C19orf44: variants seen among roughly 807,000 people sequenced by gnomAD.
C19orf44 encodes the protein chromosome 19 open reading frame 44.
In C19orf44, 43 loss-of-function variants were observed where a neutral mutation model predicts 50.7. That is an observed-to-expected ratio of 0.85 (90% CI 0.66 to 1.09). The LOEUF is 1.09. Ranked by LOEUF, C19orf44 falls within the 50% of genes least tolerant of loss-of-function variation. The pLI is 0.00. For synonymous variants in C19orf44, 298 were observed against 334.7 expected, an observed-to-expected ratio of 0.89 and a Z score of 1.20; for missense variants, 722 against 836.2, an observed-to-expected ratio of 0.86 and a Z score of 1.68.
In C19orf44 at chr19:16,513,124, C is replaced by CG; in HGVS notation, c.1735+20dup. 6.2e-7 allele frequency: 1 copy of CG among 1,611,784 alleles called. No homozygotes were observed. Among genetic ancestry groups the CG allele is most frequent in the South Asian group, 1.1e-5 (1 of 90,972 alleles). On this transcript the variant is annotated intron_variant, in intron 6 of 8. Coordinates refer to ENST00000221671, the MANE Select transcript of C19orf44 (RefSeq NM_032207.4). ...TGCAATAGAAGGTAACAGCCCGGCT[C>CG]GGGGGATCCTTCCTGTCACATTTTA...
Position 16,521,022 on chromosome 19 carries a change from T to C in C19orf44, c.*969T>C, listed in dbSNP as rs1034165850. The C allele has an allele frequency of 9.6e-6, 9 of 935,950 alleles. No individual in the cohort carries two copies. In the Admixed American group the frequency reaches 1.5e-4, roughly 15 times the overall value. 58.0% of individuals were successfully genotyped at this position (935,950 alleles called of 1,614,324 possible). A position where few individuals can be genotyped will look rare whatever the true frequency, so the allele number is the denominator to read the frequency against. On this transcript the variant is annotated 3_prime_UTR_variant, in exon 9 of 9. Coordinates refer to ENST00000221671, the MANE Select transcript of C19orf44 (RefSeq NM_032207.4). ...GAACCTTGGAGAGTACATGGCCCTG[T>C]GGCTGTGGGCTCCGAGCATGGGCGC...
chr19:16,505,400 G>C (rs1473414247), intron 3 of C19orf44, among the ~76,000 whole-genome samples: 1 of 151,418 alleles, frequency 6.6e-6, no homozygotes, highest in African/African-American at 2.4e-5. Context: ...TTTTAGTAGA[G>C]ACGGGATTTC....
In C19orf44 at chr19:16,513,091, A is replaced by G. The variant is rs754440204; in HGVS notation, c.1717A>G (p.Ser573Gly). The G allele has an allele frequency of 8.1e-6, 13 of 1,613,944 alleles. No individual in the cohort carries two copies. Among genetic ancestry groups the G allele is most frequent in the Non-Finnish European group, 1.1e-5 (13 of 1,179,996 alleles). The change falls in exon 6 of 9, where the codon AGT (serine) becomes GGT (glycine). Residue 573 changes from serine (S) to glycine (G), a missense_variant. By Grantham distance (56) the Ser-to-Gly change is moderately conservative. Coordinates refer to ENST00000221671, the MANE Select transcript of C19orf44 (RefSeq NM_032207.4). The stretch of plus-strand genomic sequence containing the variant: ...GACACCCATCGCCAATCATGTTATC[A>G]GTGCAGATGCAATAGAAGGTAACAG... ...DPTPIANHVISADAIEALTAY... is the reference protein window; with the variant it reads ...DPTPIANHVIGADAIEALTAY...
chr19:16,506,283 A>G (rs368000302), intron 3 of C19orf44, among the ~76,000 whole-genome samples: 1 of 151,720 alleles, frequency 6.6e-6, no homozygotes, highest in African/African-American at 2.4e-5. Flanking sequence ...CCATGTCTTC[A>G]TATCTTTCTA....
Position 16,519,321 on chromosome 19 carries a change from C to T in C19orf44, c.*41-773C>T. ...TGATGGGGTCCTGGATCCCTTGCTC[C>T]TTCGCACCGAGGCCGCCTGAGCCGC... On this transcript the variant is annotated intron_variant, in intron 8 of 8. Transcript: ENST00000221671. This position sits in a 1 kb window ranked among gnomAD's most constrained non-coding sequence, Gnocchi z 6.0. The T allele has an allele frequency of 9.3e-6, 15 of 1,613,466 alleles. No individual in the cohort carries two copies. Among genetic ancestry groups the T allele is most frequent in the Non-Finnish European group, 1.3e-5 (15 of 1,179,946 alleles).
intron 5 of C19orf44, among the ~76,000 whole-genome samples, 175 bp from the exon 6 acceptor site, chr19:16,512,839 T>A (rs893096666): frequency 8.4e-6 from 1 of 119,702 alleles, no homozygotes; most frequent in African/African-American, 3.3e-5. Flanking sequence ...GACTGGGCAA[T>A]AGAGCAAGAC....
chr19:16,498,860 CGGGGTT>C (rs771882213), intron 1 of C19orf44, among the ~76,000 whole-genome samples: 5 of 151,504 alleles, frequency 3.3e-5, no homozygotes, highest in African/African-American at 7.3e-5. Flanking sequence ...TTAGTAGAGA[CGGGGTT>C]TCACTGTGTT....
intron 2 of C19orf44, 120 bp from the exon 3 acceptor site, chr19:16,502,945 C>T (rs1599729838): frequency 5.7e-6 from 5 of 872,770 alleles, no homozygotes; most frequent in Non-Finnish European, 6.9e-6. Context: ...AGCTATTGAG[C>T]CACTGCCCTC....
At position 16,517,258 on chromosome 19, in the gene C19orf44, T is replaced by C. The variant is rs768476819; in HGVS notation, c.1931T>C (p.Leu644Pro). 3 of 1,614,028 alleles carry C rather than the reference T, an allele frequency of 1.9e-6. No individual in the cohort carries two copies. The highest frequency in any genetic ancestry group is 2.5e-6 in the Non-Finnish European group (3 of 1,180,034). The change falls in exon 8 of 9, where the codon CTG becomes CCG. Residue 644 changes from leucine to proline, a missense_variant. Physicochemically the swap from Leu to Pro is moderately conservative, Grantham distance 98. Coordinates refer to ENST00000221671, the MANE Select transcript of C19orf44 (RefSeq NM_032207.4). ...EYIRCHRPAP[L>P]TMEDALEEVN... is the part of the protein sequence containing the mutation. Reference sequence around the variant, plus strand: ...ATTAGGTGCCACAGACCTGCCCCACTGACCATGGAGGATGCCCTGGAGGAG... The same window carrying C: ...ATTAGGTGCCACAGACCTGCCCCACCGACCATGGAGGATGCCCTGGAGGAG...
At chr19:16,518,938 G>C in intron 8 of C19orf44, 1 of 571,460 alleles carries the variant, frequency 1.7e-6, no homozygotes, top group East Asian at 3.0e-5. Context: ...GGTGGCTGCA[G>C]CGCCTCCTGG....
intron 4 of C19orf44, among the ~76,000 whole-genome samples, chr19:16,508,710 A>AT (rs1180818032): frequency 1.3e-5 from 2 of 151,576 alleles, no homozygotes; most frequent in African/African-American, 4.9e-5. Context: ...TTTTTAAAAT[A>AT]TTTTTTTTCT....
Position 16,500,897 on chromosome 19 carries a change from G to T in C19orf44, c.105G>T (p.Gln35His), listed in dbSNP as rs910699019. 6 of 1,613,700 alleles carry T rather than the reference G, an allele frequency of 3.7e-6. No homozygotes were observed. The African/African-American group carries it at 5.3e-5, about 14-fold the overall frequency. ...DSTMEEIRNF[Q>H]ISRNLTKIAP... ...CAATGGAAGAAATCAGAAACTTCCA[G>T]ATCAGTAGAAATCTTACCAAAATAG... Residue 35 changes from glutamine (Q) to histidine (H), a missense_variant, in exon 2 of 9, where the codon CAG (glutamine) becomes CAT (histidine). By Grantham distance (24) the Gln-to-His change is conservative. Transcript: ENST00000221671.
At position 16,514,244 on chromosome 19, in the gene C19orf44, G is replaced by C. The variant is rs539591528; in HGVS notation, c.1736-253G>C. On this transcript the variant is annotated intron_variant, in intron 6 of 8. Transcript: ENST00000221671. ...CCTGATCTCGAACTCCTGATCTTGTGATCCGCCTGCCTCAGCCTTCCAAAG... is the reference window on the plus strand; with the variant it reads ...CCTGATCTCGAACTCCTGATCTTGTCATCCGCCTGCCTCAGCCTTCCAAAG... 3.3e-5 allele frequency among the ~76,000 whole-genome samples: 5 copies of C among 151,804 alleles called. No homozygotes were observed. The South Asian group carries it at 6.2e-4, about 19-fold the overall frequency.
Position 16,501,532 on chromosome 19 carries a change from A to G in C19orf44, c.740A>G (p.Glu247Gly), listed in dbSNP as rs529187397. Residue 247 changes from glutamate (E) to glycine (G), a missense_variant, in exon 2 of 9, where the codon GAA becomes GGA. Physicochemically the swap from Glu to Gly is moderately conservative, Grantham distance 98. Coordinates refer to ENST00000221671, the MANE Select transcript of C19orf44 (RefSeq NM_032207.4). ...GFSSANVSEE[E>G]ERKLFSVPSQ... ...AGCAGCGCTAACGTCAGCGAGGAAGAAGAAAGAAAACTATTTTCGGTGAGA... is the reference window on the plus strand; with the variant it reads ...AGCAGCGCTAACGTCAGCGAGGAAGGAGAAAGAAAACTATTTTCGGTGAGA... 7.1e-7 allele frequency: 1 copy of G among 1,416,044 alleles called. No homozygotes were observed. The highest frequency in any genetic ancestry group is 2.6e-5 in the East Asian group (1 of 38,078). The allele number at this position is 1,416,044 out of a possible 1,614,324, so 87.7% of individuals were successfully genotyped here. A position where few individuals can be genotyped will look rare whatever the true frequency, so the allele number is the denominator to read the frequency against.
intron 7 of C19orf44, among the ~76,000 whole-genome samples, chr19:16,515,270 A>G (rs1018904341): frequency 6.6e-6 from 1 of 152,132 alleles, no homozygotes. Flanking sequence ...CTGAGGCAGG[A>G]GAGTCGCTTG....
chr19:16,501,317 G>A lies in C19orf44; in HGVS notation c.525G>A (p.Lys175=), dbSNP rs113496336. 453 of 1,614,166 alleles carry A rather than the reference G, an allele frequency of 2.8e-4. 1 individual carries two copies. In the African/African-American group the frequency reaches 5.6e-3, roughly 20 times the overall value. The change falls in exon 2 of 9, where the codon AAG becomes AAA. Residue 175 remains lysine, a synonymous_variant. Coordinates refer to ENST00000221671, the MANE Select transcript of C19orf44 (RefSeq NM_032207.4). ...ACGCGAAGGTCAGTAGGTTTCTAAA[G>A]AAGAAACAAGCACCTGTTGAAAACA... ...AQNAKVSRFL[K]KKQAPVENIS...
intron 8 of C19orf44, chr19:16,518,811 G>A (rs1007965250): frequency 3.5e-6 from 1 of 284,810 alleles, no homozygotes; most frequent in Non-Finnish European, 6.7e-6. Context: ...CCTAGGAGGA[G>A]GCTTCAATCT....
Position 16,503,271 on chromosome 19 carries a change from C to G in C19orf44, c.966C>G (p.Asn322Lys), listed in dbSNP as rs759035957. 1 of 1,614,028 alleles carries G rather than the reference C, an allele frequency of 6.2e-7. No individual in the cohort carries two copies. The highest frequency in any genetic ancestry group is 8.5e-7 in the Non-Finnish European group (1 of 1,180,038). ...TTTCCATCACAGGCGCCTTTTCAAA[C>G]TCAGTGTCTTTAAAGATGGGGCATG... is the stretch of plus-strand genomic sequence containing the variant. ...PSVSITGAFS[N>K]SVSLKMGHVK... Residue 322 changes from asparagine (N) to lysine (K), a missense_variant, in exon 3 of 9, where the codon AAC becomes AAG. Physicochemically the swap from Asn to Lys is moderately conservative, Grantham distance 94. Transcript: ENST00000221671.
At chr19:16,500,759 C>T (rs2122172406) in intron 1 of C19orf44, 33 bp from the exon 2 acceptor site, 14 of 1,533,906 alleles carry the variant, frequency 9.1e-6, no homozygotes, top group Non-Finnish European at 1.2e-5. Flanking sequence ...ACAGCAGGTA[C>T]TCTTATGCAA....
Sources: gnomAD v4.1 joint callset for allele counts (sites outside exome capture counted in the v4.1 genomes callset) on GRCh38, gnomAD v4.1.1 for gene constraint, Gnocchi (gnomAD v3.1) non-coding constraint, MANE v1.5 for transcripts, NCBI Gene and HGNC (gene_info 2026-07-23, HGNC 2026-07-21) for gene names.